The following WNK1 variants were observed in gnomAD, a reference collection of about 807,000 sequenced individuals.
WNK1 encodes the protein serine/threonine-protein kinase WNK1.
In WNK1, 38 loss-of-function variants were observed where a neutral mutation model predicts 222.8. The observed-to-expected ratio is 0.17, with a 90% confidence interval of 0.13 to 0.22. WNK1 has a LOEUF of 0.22. WNK1 is among the 10% of genes least tolerant of loss of function. WNK1 has a pLI of 1.00. For synonymous variants in WNK1, 1,090 were observed against 1,092.9 expected, an observed-to-expected ratio of 1.00 and a Z score of 0.05; for missense variants, 2,348 against 2,918.4, an observed-to-expected ratio of 0.80 and a Z score of 4.50.
intron 8 of WNK1, chr12:867,885 C>A (rs781318799): frequency 6.2e-7 from 1 of 1,613,854 alleles, no homozygotes; most frequent in East Asian, 2.2e-5. Flanking sequence ...ATGGCGCATC[C>A]GTGTGGGGGG....
At chr12:771,478 T>G (rs983022876) in intron 1 of WNK1, among the ~76,000 whole-genome samples, 3 of 152,066 alleles carry the variant, frequency 2.0e-5, no homozygotes, top group Non-Finnish European at 4.4e-5. Flanking sequence ...TTTTCTAGAA[T>G]AGTTAAATTT....
chr12:868,300 G>T lies in WNK1; in HGVS notation c.2140-2965G>T. On this transcript the variant is annotated intron_variant, in intron 8 of 27. Transcript: ENST00000315939. ...TGTATGTAGCTGGGGTACATTACCA[G>T]GCCCGGGTGGCAGAACAGTATGAGG... 3 of 1,609,232 alleles carry T rather than the reference G, an allele frequency of 1.9e-6. No individual in the cohort carries two copies. Among genetic ancestry groups the T allele is most frequent in the Non-Finnish European group, 2.5e-6 (3 of 1,177,404 alleles).
chr12:850,651 A>G (rs1057236280), intron 4 of WNK1, among the ~76,000 whole-genome samples: 6 of 152,240 alleles, frequency 3.9e-5, no homozygotes, highest in Non-Finnish European at 5.9e-5. Flanking sequence ...ACCCATGCCT[A>G]TGTCCTGAAT....
At chr12:813,093 G>T (rs935971621) in intron 1 of WNK1, among the ~76,000 whole-genome samples, 2 of 152,114 alleles carry the variant, frequency 1.3e-5, no homozygotes, top group Non-Finnish European at 2.9e-5. Flanking sequence ...AATTAGCCGG[G>T]CAAGGTGGCA....
chr12:790,391 A>G (rs565253045), intron 1 of WNK1, among the ~76,000 whole-genome samples: 310 of 152,272 alleles, frequency 2.0e-3, no homozygotes, highest in African/African-American at 7.1e-3. Flanking sequence ...GGCATGAGTC[A>G]CCGTGCCACA....
Position 768,818 on chromosome 12 carries a change from G to GT in WNK1, c.759+14504dup, listed in dbSNP as rs1461268210. ...TTCATGTAATGGATGAAGTTTTTTT[G>GT]TTTTTTTTTTGAGACGGAGTCTTGC... On this transcript the variant is annotated intron_variant, in intron 1 of 27. Transcript: ENST00000315939. Among the ~76,000 whole-genome samples, 1,327 of 147,450 alleles carry GT rather than the reference G, an allele frequency of 9.0e-3. 26 individuals are homozygous for GT. The highest frequency in any genetic ancestry group is 0.03 in the African/African-American group (1,210 of 40,364).
chr12:879,472 T>TTTTTTTGG, intron 10 of WNK1, 101 bp from the exon 11 acceptor site: 1 of 755,894 alleles, frequency 1.3e-6, no homozygotes, highest in Non-Finnish European at 2.0e-6. Flanking sequence ...GTTTTTTCCT[T>TTTTTTTGG]CTTTTTGGCT....
chr12:890,417 A>T (rs867451526), intron 21 of WNK1, 36 bp from the exon 22 acceptor site: 5 of 1,613,894 alleles, frequency 3.1e-6, no homozygotes, highest in African/African-American at 2.7e-5. Context: ...GACTGAAGCT[A>T]AAGATTTGTG....
At chr12:845,971 A>G (rs1174222692) in intron 4 of WNK1, among the ~76,000 whole-genome samples, 2 of 152,240 alleles carry the variant, frequency 1.3e-5, no homozygotes, top group Non-Finnish European at 2.9e-5. Context: ...TTCACAGGTA[A>G]GAAAATAGAC....
In WNK1 at chr12:754,027, G is replaced by T. The variant is rs1939589713; in HGVS notation, c.462G>T (p.Ser154=). 7 of 1,590,024 alleles carry T rather than the reference G, an allele frequency of 4.4e-6. No individual in the cohort carries two copies. Among genetic ancestry groups the T allele is most frequent in the Non-Finnish European group, 5.1e-6 (6 of 1,168,660 alleles). Residue 154 remains serine (S), a synonymous_variant, in exon 1 of 28, where the codon TCG becomes TCT. Transcript: ENST00000315939. ...GEQAVAGPAP[S]TVPSSTSKDR... ...AGGCCGTCGCGGGCCCTGCCCCCTC[G>T]ACTGTCCCCAGCAGTACCAGCAAAG...
chr12:794,032 T>G (rs1945084020), intron 1 of WNK1, among the ~76,000 whole-genome samples: 1 of 152,202 alleles, frequency 6.6e-6, no homozygotes, highest in Non-Finnish European at 1.5e-5. Context: ...CTCTTGTGAC[T>G]GGCTTTTTTC....
intron 4 of WNK1, among the ~76,000 whole-genome samples, chr12:844,142 TTTTTTTTGAGACGGGGTCTTGCTC>T (rs1192075846): frequency 6.6e-6 from 1 of 151,918 alleles, no homozygotes; most frequent in Non-Finnish European, 1.5e-5. Flanking sequence ...TTTATTTTAT[TTTTTTTTGAGACGGGGTCTTGCTC>T]TGTCGCCCAG....
At chr12:882,385 G>C (rs1357497747) in intron 14 of WNK1, among the ~76,000 whole-genome samples, 1 of 151,978 alleles carries the variant, frequency 6.6e-6, no homozygotes, top group Admixed American at 6.6e-5. Context: ...TTTTAGTAGA[G>C]ACAGGGTTTC....
At chr12:903,996 G>T (rs188395471) in intron 26 of WNK1, among the ~76,000 whole-genome samples, 8 of 152,318 alleles carry the variant, frequency 5.3e-5, no homozygotes, top group African/African-American at 1.9e-4. Flanking sequence ...ACTTAAAGCT[G>T]TAACAGTGAT....
chr12:903,499 G>A (rs1322563081), intron 26 of WNK1, among the ~76,000 whole-genome samples: 1 of 152,174 alleles, frequency 6.6e-6, no homozygotes, highest in Non-Finnish European at 1.5e-5. Flanking sequence ...AGCCTGAAGT[G>A]TCTGAGAGGG....
At chr12:863,714 A>G (rs1434652980) in intron 8 of WNK1, among the ~76,000 whole-genome samples, 2 of 152,190 alleles carry the variant, frequency 1.3e-5, no homozygotes, top group African/African-American at 4.8e-5. Flanking sequence ...TTTTAATGAC[A>G]GTATTCTATG....
intron 4 of WNK1, among the ~76,000 whole-genome samples, chr12:834,358 G>C (rs1949025717): frequency 6.6e-6 from 1 of 152,142 alleles, no homozygotes; most frequent in African/African-American, 2.4e-5. Context: ...TGTTTTTACT[G>C]CTATTATATT....
At chr12:784,548 A>C (rs954663468) in intron 1 of WNK1, among the ~76,000 whole-genome samples, 8 of 152,202 alleles carry the variant, frequency 5.3e-5, no homozygotes, top group Non-Finnish European at 1.0e-4. Context: ...TAGTTGACAT[A>C]ATAAAATGTA....
intron 4 of WNK1, among the ~76,000 whole-genome samples, chr12:856,563 C>T (rs1322120509): frequency 4.6e-5 from 7 of 152,062 alleles, no homozygotes; most frequent in Non-Finnish European, 8.8e-5. Context: ...AATGAGTTTT[C>T]TTCTGAGATT....
Sources: gnomAD v4.1 joint callset for allele counts (sites outside exome capture counted in the v4.1 genomes callset) on GRCh38, gnomAD v4.1.1 for gene constraint, MANE v1.5 for transcripts, NCBI Gene and HGNC (gene_info 2026-07-23, HGNC 2026-07-21) for gene names.